The following CDH2 variants were observed in gnomAD, a reference collection of about 807,000 sequenced individuals.
CDH2 encodes the protein cadherin-2.
Under a neutral mutation model 92.0 loss-of-function variants are expected in CDH2, and 17 were observed. The observed-to-expected ratio is 0.18, with a 90% CI of 0.13 to 0.28. The LOEUF (loss-of-function observed/expected upper bound fraction) is 0.28. Ranked by LOEUF, CDH2 falls within the 10% of genes least tolerant of loss-of-function variation. The pLI, the probability that CDH2 is intolerant of heterozygous loss-of-function variation, is 1.00. For synonymous variants in CDH2, 419 were observed against 415.9 expected, an observed-to-expected ratio of 1.01 and a Z score of -0.09; for missense variants, 862 against 1,133.1, an observed-to-expected ratio of 0.76 and a Z score of 3.44.
chr18:28,097,086 C>A (rs1164190606), intron 2 of CDH2: 1 of 152,160 alleles, frequency 6.6e-6, no homozygotes, highest in African/African-American at 2.4e-5. Context: ...GTACACTCTG[C>A]TTAGAGTCCC....
chr18:28,116,283 G>T (rs1321550665), intron 2 of CDH2, among the ~76,000 whole-genome samples: 1 of 152,166 alleles, frequency 6.6e-6, no homozygotes, highest in African/African-American at 2.4e-5. Flanking sequence ...TTGTTAGGGA[G>T]AGGCCACTAG....
intron 14 of CDH2, among the ~76,000 whole-genome samples, chr18:27,973,021 T>C (rs2011708799): frequency 5.3e-5 from 8 of 152,092 alleles, no homozygotes; most frequent in Admixed American, 5.2e-4. Flanking sequence ...CAGTTCAAAA[T>C]GCAAAGTGGA....
chr18:28,172,074 G>GGGGT (rs1451569686), intron 1 of CDH2, among the ~76,000 whole-genome samples: 1 of 144,574 alleles, frequency 6.9e-6, no homozygotes, highest in Non-Finnish European at 1.5e-5. Context: ...ACATACATTT[G>GGGGT]GGGTGTGTGT....
chr18:28,077,076 G>T (rs977015625), intron 2 of CDH2, among the ~76,000 whole-genome samples: 5 of 152,026 alleles, frequency 3.3e-5, no homozygotes, highest in Non-Finnish European at 7.4e-5. Flanking sequence ...GGAAAAGTGG[G>T]TACTAAACAA....
At chr18:28,120,946 G>A (rs2015577784) in intron 2 of CDH2, among the ~76,000 whole-genome samples, 1 of 152,066 alleles carries the variant, frequency 6.6e-6, no homozygotes, top group African/African-American at 2.4e-5. Context: ...ATTTTACTTA[G>A]GGAATCTGAC....
chr18:28,054,693 G>T (rs560790541), intron 2 of CDH2, among the ~76,000 whole-genome samples: 1 of 152,076 alleles, frequency 6.6e-6, no homozygotes, highest in Non-Finnish European at 1.5e-5. Flanking sequence ...TGGAAGCCCC[G>T]AAAGACTTTA....
intron 2 of CDH2, among the ~76,000 whole-genome samples, chr18:28,076,054 G>T (rs1480593229): frequency 3.3e-5 from 5 of 152,016 alleles, no homozygotes; most frequent in African/African-American, 9.7e-5. Flanking sequence ...AATCCATTCT[G>T]CCCCTAGCAT....
intron 2 of CDH2, among the ~76,000 whole-genome samples, chr18:28,057,085 G>A (rs1013630161): frequency 6.6e-5 from 10 of 152,122 alleles, no homozygotes; most frequent in African/African-American, 2.4e-4. Flanking sequence ...GTCATTCACA[G>A]ATGGTTATGT....
intron 14 of CDH2, among the ~76,000 whole-genome samples, chr18:27,978,618 G>C (rs553278849): frequency 6.7e-6 from 1 of 150,316 alleles, no homozygotes; most frequent in Admixed American, 6.6e-5. Context: ...AGTTGGGGGG[G>C]GGGATTCATT....
chr18:28,118,431 T>C (rs1471968637), intron 2 of CDH2, among the ~76,000 whole-genome samples: 1 of 152,126 alleles, frequency 6.6e-6, no homozygotes, highest in African/African-American at 2.4e-5. Context: ...ATAATCAACC[T>C]ATTTTCAAAG....
chr18:28,028,904 A>G (rs2013624601), intron 2 of CDH2, among the ~76,000 whole-genome samples: 1 of 152,178 alleles, frequency 6.6e-6, no homozygotes, highest in Non-Finnish European at 1.5e-5. Flanking sequence ...TATTCAAAGC[A>G]ATGACATGAA....
chr18:27,937,958 A>C (rs1237163711), intron 6 of CDH2, among the ~76,000 whole-genome samples: 1 of 152,094 alleles, frequency 6.6e-6, no homozygotes, highest in Non-Finnish European at 1.5e-5. Context: ...TACAAATATA[A>C]TATTAAGTAA....
At chr18:28,164,170 G>A (rs189270350) in intron 1 of CDH2, among the ~76,000 whole-genome samples, 12 of 152,016 alleles carry the variant, frequency 7.9e-5, no homozygotes, top group Admixed American at 3.9e-4. Flanking sequence ...ATCTGCTTTC[G>A]GTGTTTTTCT....
chr18:28,155,717 G>A (rs527641380), intron 1 of CDH2, among the ~76,000 whole-genome samples: 3 of 152,328 alleles, frequency 2.0e-5, no homozygotes, highest in Non-Finnish European at 4.4e-5. Flanking sequence ...TGGTGATAGA[G>A]TAATGACACT....
chr18:27,983,423 T>C (rs1454024907), intron 13 of CDH2, among the ~76,000 whole-genome samples: 3 of 152,198 alleles, frequency 2.0e-5, no homozygotes, highest in African/African-American at 4.8e-5. Context: ...TTGCCCTTCA[T>C]AGGGCCTTGT....
At chr18:28,058,385 T>A (rs1046394013) in intron 2 of CDH2, among the ~76,000 whole-genome samples, 2 of 152,202 alleles carry the variant, frequency 1.3e-5, no homozygotes, top group Non-Finnish European at 1.5e-5. Flanking sequence ...ATAGAGTTCT[T>A]CTCCCCGTAT....
Position 27,939,019 on chromosome 18 carries a change from GGA to G in CDH2, c.1152-5897_1152-5896del, listed in dbSNP as rs571008761. Among the ~76,000 whole-genome samples, 123 of 152,286 alleles carry G rather than the reference GGA, an allele frequency of 8.1e-4. 1 individual carries two copies. The highest frequency in any genetic ancestry group is 2.7e-3 in the African/African-American group (114 of 41,564). ...ACAAAGTACCTATCTCTATCTGTCAGGAGAATGTTTGTGGGCCTTCTGGATCA... is the reference window on the plus strand; with the variant it reads ...ACAAAGTACCTATCTCTATCTGTCAGGAATGTTTGTGGGCCTTCTGGATCA... On this transcript the variant is annotated intron_variant, in intron 6 of 6. Coordinates refer to the CDH2 transcript ENST00000675173.
At chr18:27,938,012 G>T (rs568374682) in intron 6 of CDH2, among the ~76,000 whole-genome samples, 4 of 152,108 alleles carry the variant, frequency 2.6e-5, no homozygotes, top group African/African-American at 9.6e-5. Context: ...TGATTGGATC[G>T]TGGGGGTGGT....
rs1190474744 is a variant in CDH2, at chr18:28,159,464, C to T, written c.61-11680G>A. Among the ~76,000 whole-genome samples the T allele has an allele frequency of 7.2e-5, 11 of 152,268 alleles. No homozygotes were observed. In the South Asian group the frequency reaches 2.3e-3, roughly 32 times the overall value. On this transcript the variant is annotated intron_variant, in intron 1 of 15. Transcript: ENST00000269141. ...TGATTCTGCTGGCTTACATTTCCCTCGGTTCAGAATTCAAGACAGGGAGGA... is the reference window on the plus strand; with the variant it reads ...TGATTCTGCTGGCTTACATTTCCCTTGGTTCAGAATTCAAGACAGGGAGGA...
Sources: gnomAD v4.1 joint callset for allele counts (sites outside exome capture counted in the v4.1 genomes callset) on GRCh38, gnomAD v4.1.1 for gene constraint, MANE v1.5 for transcripts, NCBI Gene and HGNC (gene_info 2026-07-23, HGNC 2026-07-21) for gene names.